The following ABCC1 variants were observed in gnomAD, a reference collection of about 807,000 sequenced individuals.
ABCC1 encodes ATP binding cassette subfamily C member 1 (ABCC1 blood group).
ABCC1 carries 83 observed loss-of-function variants against 172.9 expected under a neutral mutation model. The ratio of observed to expected loss-of-function variants is 0.48; its 90% CI spans 0.40 to 0.58. The LOEUF (loss-of-function observed/expected upper bound fraction) is 0.58, where lower values mean the gene tolerates loss of function less well. Among genes scored for constraint, ABCC1 ranks in the 20% least tolerant of loss-of-function variants. The probability of loss-of-function intolerance (pLI) is 0.00; values close to 1 mark genes in which losing one functional copy is unlikely to be tolerated. For synonymous variants in ABCC1, 937 were observed against 825.2 expected, an observed-to-expected ratio of 1.14 and a Z score of -2.32; for missense variants, 1,817 against 2,002.7, an observed-to-expected ratio of 0.91 and a Z score of 1.77.
intron 12 of ABCC1, among the ~76,000 whole-genome samples, chr16:16,059,054 C>T (rs559890244): frequency 6.6e-6 from 1 of 151,762 alleles, no homozygotes; most frequent in Non-Finnish European, 1.5e-5. Flanking sequence ...CCTAACATAT[C>T]CCTAGGTGCT....
intron 9 of ABCC1, 86 bp from the exon 10 acceptor site, chr16:16,048,056 T>C (rs1185749951): frequency 4.7e-6 from 7 of 1,483,576 alleles, no homozygotes; most frequent in Admixed American, 1.8e-5. Flanking sequence ...CCCCTGAGAG[T>C]CTCCTTCCTC....
intron 15 of ABCC1, among the ~76,000 whole-genome samples, chr16:16,078,442 T>A (rs2050673023): frequency 6.6e-6 from 1 of 152,152 alleles, no homozygotes; most frequent in Non-Finnish European, 1.5e-5. Flanking sequence ...CAACTCAGAT[T>A]TATTCATATG....
intron 12 of ABCC1, among the ~76,000 whole-genome samples, chr16:16,063,586 TA>T (rs1451149872): frequency 3.3e-5 from 5 of 152,028 alleles, no homozygotes; most frequent in African/African-American, 1.2e-4. Flanking sequence ...TCAACTAGAG[TA>T]AGAGAAGAGG....
At chr16:16,040,109 T>TGTATGTA (rs1422051989) in intron 7 of ABCC1, among the ~76,000 whole-genome samples, 1 of 149,788 alleles carries the variant, frequency 6.7e-6, no homozygotes, top group East Asian at 1.9e-4. Flanking sequence ...TATGTATGTA[T>TGTATGTA]TTTAGAGACA....
At chr16:15,950,631 C>T (rs1343760222) in intron 1 of ABCC1, among the ~76,000 whole-genome samples, 1 of 152,240 alleles carries the variant, frequency 6.6e-6, no homozygotes, top group Non-Finnish European at 1.5e-5. Flanking sequence ...GTTTAAGCCC[C>T]AGTCTTTTGG....
intron 7 of ABCC1, among the ~76,000 whole-genome samples, chr16:16,039,156 G>T (rs1458728734): frequency 1.3e-5 from 2 of 151,856 alleles, no homozygotes; most frequent in African/African-American, 2.4e-5. Context: ...GAATGATGGT[G>T]TTGGGGTGAG....
chr16:16,036,414 C>G lies in ABCC1; in HGVS notation c.678-58C>G, dbSNP rs1331255147. On this transcript the variant is annotated intron_variant, in intron 6 of 30. Transcript: ENST00000399410. ...GCGTGTGGAGTGAGTGAGCCCCGTCCTCCCCCTCCTCCTGTCATTGACTCT... is the reference window on the plus strand; with the variant it reads ...GCGTGTGGAGTGAGTGAGCCCCGTCGTCCCCCTCCTCCTGTCATTGACTCT... 9.0e-6 allele frequency: 14 copies of G among 1,547,318 alleles called. No individual in the cohort carries two copies. The Admixed American group carries it at 2.4e-4, about 26-fold the overall frequency.
rs773048855 is a variant in ABCC1 at position 16,102,671 on chromosome 16, G to A, written c.2689G>A (p.Glu897Lys). 1.3e-6 allele frequency: 2 copies of A among 1,592,738 alleles called. No individual in the cohort carries two copies. Among genetic ancestry groups the A allele is most frequent in the Non-Finnish European group, 1.7e-6 (2 of 1,169,518 alleles). Residue 897 changes from glutamate (E) to lysine (K), a missense_variant, in exon 20 of 31, where the codon GAG becomes AAG. Glu to Lys is a moderately conservative substitution (Grantham distance 56). This residue lies in a region of ABCC1 where 1,412 missense variants were observed against 1,600.3 expected (regional missense o/e 0.88). Coordinates refer to ENST00000399410, the MANE Select transcript of ABCC1 (RefSeq NM_004996.4). ...SGPGKEAKQM[E>K]NGMLVTDSAG... is the part of the protein sequence containing the mutation. ...TCCAGGGAAGGAAGCAAAGCAAATG[G>A]AGAATGGCATGCTGGTGACGGACAG...
intron 1 of ABCC1, among the ~76,000 whole-genome samples, chr16:15,959,952 G>T (rs1042620673): frequency 2.0e-5 from 3 of 152,200 alleles, no homozygotes; most frequent in East Asian, 1.9e-4. Context: ...AGTAGTAATT[G>T]AGATTTTTAT....
intron 6 of ABCC1, 69 bp from the exon 7 acceptor site, chr16:16,036,403 T>C (rs2048756629): frequency 1.4e-6 from 2 of 1,476,960 alleles, no homozygotes; most frequent in Non-Finnish European, 1.8e-6. Context: ...GTGGAGTGAG[T>C]GAGCCCCGTC....
chr16:15,989,414 TC>T (rs1225401774), intron 1 of ABCC1, among the ~76,000 whole-genome samples: 1 of 152,278 alleles, frequency 6.6e-6, no homozygotes, highest in Non-Finnish European at 1.5e-5. Flanking sequence ...TTAGCCTTTC[TC>T]CAGATGTTTT....
chr16:16,084,165 C>T (rs62032006), intron 17 of ABCC1, among the ~76,000 whole-genome samples: 18,653 of 152,028 alleles, frequency 0.12, 1,266 homozygotes, highest in East Asian at 0.22. Flanking sequence ...TGCAGTGGCA[C>T]GATCTCAGCT....
chr16:16,021,961 G>A (rs888394090), intron 5 of ABCC1, among the ~76,000 whole-genome samples: 3 of 152,160 alleles, frequency 2.0e-5, no homozygotes, highest in African/African-American at 7.2e-5. Context: ...CCTGTGATCT[G>A]GGGAGGAGGA....
intron 1 of ABCC1, among the ~76,000 whole-genome samples, chr16:15,958,321 G>A (rs1198253143): frequency 1.3e-5 from 2 of 151,824 alleles, no homozygotes; most frequent in Non-Finnish European, 2.9e-5. Context: ...GGCCAGGCTG[G>A]TCTTGAATTC....
At chr16:15,992,788 A>C (rs947126548) in intron 1 of ABCC1, among the ~76,000 whole-genome samples, 2 of 152,136 alleles carry the variant, frequency 1.3e-5, no homozygotes, top group African/African-American at 2.4e-5. Flanking sequence ...TTAGAACAAA[A>C]AATCCATGCT....
intron 18 of ABCC1, among the ~76,000 whole-genome samples, chr16:16,089,434 G>A (rs2051146594): frequency 6.6e-6 from 1 of 152,012 alleles, no homozygotes; most frequent in Non-Finnish European, 1.5e-5. Flanking sequence ...TGTAGTCCCA[G>A]CTACTTGGGA....
Position 16,083,500 on chromosome 16 carries a change from G to A in ABCC1, c.2250G>A (p.Leu750=), listed in dbSNP as rs530182430. The change falls in exon 17 of 31, where the codon CTG becomes CTA. Residue 750 remains leucine (L), a synonymous_variant. Coordinates refer to ENST00000399410, the MANE Select transcript of ABCC1 (RefSeq NM_004996.4). ...VIQACALLPD[L]EILPSGDRTE... ...AGGCCTGTGCCCTCCTCCCAGACCT[G>A]GAAATCCTGCCCAGTGGGGATCGGA... 2 of 1,613,826 alleles carry A rather than the reference G, an allele frequency of 1.2e-6. No homozygotes were observed. The highest frequency in any genetic ancestry group is 2.2e-5 in the South Asian group (2 of 91,060).
chr16:16,086,974 G>GGGATGCTGAA lies in ABCC1; in HGVS notation c.2445_2454dup (p.Asn819AspfsTer33). The GGGATGCTGAA allele has an allele frequency of 6.2e-7, 1 of 1,614,206 alleles. No individual in the cohort carries two copies. The highest frequency in any genetic ancestry group is 8.5e-7 in the Non-Finnish European group (1 of 1,180,040). ...CTTTGAAAATGTGATTGGCCCCAAG[G>GGGATGCTGAA]GGATGCTGAAGAACAAGGTGCCTGC... On this transcript the variant is annotated frameshift_variant, in exon 18 of 31. Coordinates refer to ENST00000399410, the MANE Select transcript of ABCC1 (RefSeq NM_004996.4). LOFTEE classifies it high-confidence loss of function.
At chr16:16,097,360 G>A (rs1284370735) in intron 19 of ABCC1, among the ~76,000 whole-genome samples, 3 of 152,258 alleles carry the variant, frequency 2.0e-5, no homozygotes, top group African/African-American at 4.8e-5. Context: ...TGATCCACCC[G>A]CCTCAGCCTC....
Sources: gnomAD v4.1 joint callset for allele counts (sites outside exome capture counted in the v4.1 genomes callset) on GRCh38, gnomAD v4.1.1 for gene constraint, gnomAD v4.1.1 regional missense constraint, MANE v1.5 for transcripts, NCBI Gene and HGNC (gene_info 2026-07-23, HGNC 2026-07-21) for gene names.